Variants in TSC2 observed in about 807,000 individuals in gnomAD.
TSC2 encodes TSC complex subunit 2.
A neutral mutation model predicts 202.2 loss-of-function variants in TSC2; 29 were observed. That is an observed-to-expected ratio of 0.14 (90% confidence interval 0.11 to 0.20). The LOEUF (loss-of-function observed/expected upper bound fraction) is 0.20, where lower values mean the gene tolerates loss of function less well. Among genes scored for constraint, TSC2 ranks in the 10% least tolerant of loss-of-function variants. The probability of loss-of-function intolerance (pLI) is 1.00; values close to 1 mark genes in which losing one functional copy is unlikely to be tolerated. For missense variants in TSC2, 2,429 were observed against 2,420.0 expected (o/e 1.00, Z -0.08); for synonymous variants, 1,349 against 1,044.0 (o/e 1.29, Z -5.63).
intron 30 of TSC2, chr16:2,080,878 T>C (rs940380067): frequency 1.7e-4 from 29 of 170,454 alleles, no homozygotes; most frequent in Admixed American, 1.4e-3. Flanking sequence ...CCAAGTGACT[T>C]CCATGGCAGA....
At chr16:2,071,188 G>A (rs753277271) in intron 17 of TSC2, among the ~76,000 whole-genome samples, 3 of 152,240 alleles carry the variant, frequency 2.0e-5, no homozygotes, top group Non-Finnish European at 2.9e-5. Flanking sequence ...GCTGAGCTCC[G>A]CTTTCTGGCA....
intron 26 of TSC2, among the ~76,000 whole-genome samples, chr16:2,078,009 A>G (rs1479369379): frequency 1.3e-5 from 2 of 152,288 alleles, no homozygotes; most frequent in Admixed American, 6.5e-5. Context: ...CAAGGGCCGC[A>G]GTGTGGGTTG....
At chr16:2,050,606 T>A in intron 3 of TSC2, 120 bp downstream of exon 3, 1 of 815,052 alleles carries the variant, frequency 1.2e-6, no homozygotes, top group East Asian at 2.7e-5. Context: ...CACTTTTTTT[T>A]TTTTTTTTTT....
chr16:2,087,275 C>T (rs1269044695), intron 38 of TSC2: 19 of 353,630 alleles, frequency 5.4e-5, no homozygotes, highest in South Asian at 2.5e-4. Context: ...TGGGCTGGGT[C>T]GGCCAGTGTC....
intron 8 of TSC2, 101 bp from the exon 9 acceptor site, chr16:2,057,004 T>A: frequency 6.7e-7 from 1 of 1,481,924 alleles, no homozygotes; most frequent in Admixed American, 2.0e-5. Flanking sequence ...GGCCGGACCT[T>A]GGGTGGCTAT....
At position 2,089,358 on chromosome 16, in the gene TSC2, C is replaced by A. The variant is rs573566934; in HGVS notation, c.*748C>A. Reference sequence around the variant, plus strand: ...AGGTAATAACTTAGGGGCAGGGTGGCGGCGGTGCAGGCTAACCCTCCCTGA... The same window carrying A: ...AGGTAATAACTTAGGGGCAGGGTGGAGGCGGTGCAGGCTAACCCTCCCTGA... On this transcript the variant is annotated 3_prime_UTR_variant, in exon 42 of 42. Coordinates refer to ENST00000219476, the MANE Select transcript of TSC2 (RefSeq NM_000548.5). The A allele has an allele frequency of 1.1e-5, 4 of 353,400 alleles. No individual in the cohort carries two copies. The highest frequency in any genetic ancestry group is 2.1e-5 in the Non-Finnish European group (4 of 190,950). 21.9% of individuals were successfully genotyped at this position (353,400 alleles called of 1,614,324 possible).
At position 2,088,667 on chromosome 16, in the gene TSC2, AAT is replaced by A; in HGVS notation, c.*59_*60del. On this transcript the variant is annotated 3_prime_UTR_variant, in exon 42 of 42. Coordinates refer to ENST00000219476, the MANE Select transcript of TSC2 (RefSeq NM_000548.5). ...GACGGTATTGCCTGTCAGTGAAATA[AAT>A]AAAGTCCTGACCCCAGTGCACAGAC... 3 of 1,554,286 alleles carry A rather than the reference AAT, an allele frequency of 1.9e-6. No homozygotes were observed. Among genetic ancestry groups the A allele is most frequent in the South Asian group, 2.3e-5 (2 of 86,852 alleles).
chr16:2,071,697 G>C (rs2088430539), intron 18 of TSC2, 81 bp downstream of exon 18: 1 of 1,600,138 alleles, frequency 6.2e-7, no homozygotes, highest in Admixed American at 1.7e-5. Flanking sequence ...TTGCATGTCT[G>C]AGGGATGTCC....
At chr16:2,063,122 G>A (rs2151175374) in intron 14 of TSC2, 69 bp downstream of exon 14, 2 of 1,524,292 alleles carry the variant, frequency 1.3e-6, no homozygotes, top group East Asian at 2.5e-5. Context: ...TCTCTGTTGT[G>A]CACGTGCTCC....
In TSC2 at chr16:2,071,691, A is replaced by G. The variant is rs989176018; in HGVS notation, c.1946+75A>G. 9.4e-6 allele frequency: 15 copies of G among 1,601,892 alleles called. No individual in the cohort carries two copies. In the African/African-American group the frequency reaches 9.4e-5, roughly 10 times the overall value. ...CTGGGGCTGTGGTGGCGCTGTTTGC[A>G]TGTCTGAGGGATGTCCCAGGGTTGG... On this transcript the variant is annotated intron_variant, in intron 18 of 41. Transcript: ENST00000219476.
rs2089927113 is a variant in TSC2, at chr16:2,080,013, AC to A, written c.3398-151del. 21 of 1,066,746 alleles carry A rather than the reference AC, an allele frequency of 2.0e-5. No individual in the cohort carries two copies. In the South Asian group the frequency reaches 2.8e-4, roughly 14 times the overall value. The allele number at this position is 1,066,746 out of a possible 1,614,324, so 66.1% of individuals were successfully genotyped here. On this transcript the variant is annotated intron_variant, in intron 29 of 41. Transcript: ENST00000219476. ...TGGCCCTGGGTTCACTGAGGCCAGCACTGTGGTGGGCCGTGCCCCAAGGGCA... is the reference window on the plus strand; with the variant it reads ...TGGCCCTGGGTTCACTGAGGCCAGCATGTGGTGGGCCGTGCCCCAAGGGCA...
chr16:2,088,688 C>G lies in TSC2; in HGVS notation c.*78C>G, dbSNP rs1332550395. The G allele has an allele frequency of 1.3e-6, 2 of 1,514,150 alleles. No homozygotes were observed. Among genetic ancestry groups the G allele is most frequent in the Non-Finnish European group, 1.8e-6 (2 of 1,127,012 alleles). The allele number at this position is 1,514,150 out of a possible 1,614,324, so 93.8% of individuals were successfully genotyped here. A position where few individuals can be genotyped will look rare whatever the true frequency, so the allele number is the denominator to read the frequency against. Reference sequence around the variant, plus strand: ...AATAAATAAAGTCCTGACCCCAGTGCACAGACATAGAGGCACAGATTGCAG... The same window carrying G: ...AATAAATAAAGTCCTGACCCCAGTGGACAGACATAGAGGCACAGATTGCAG... On this transcript the variant is annotated 3_prime_UTR_variant, in exon 42 of 42. Coordinates refer to ENST00000219476, the MANE Select transcript of TSC2 (RefSeq NM_000548.5).
At chr16:2,054,257 G>A (rs749275519) in intron 4 of TSC2, 39 bp from the exon 5 acceptor site, 9 of 1,613,716 alleles carry the variant, frequency 5.6e-6, no homozygotes, top group Admixed American at 1.7e-5. Flanking sequence ...TGTGGGCGAC[G>A]CTGGCAGGCT....
chr16:2,082,149 G>A, intron 31 of TSC2: 1 of 593,168 alleles, frequency 1.7e-6, no homozygotes. Context: ...GCGCACTCTG[G>A]GCCCCCACCC....
intron 9 of TSC2, 138 bp downstream of exon 9, chr16:2,057,316 G>C: frequency 9.9e-7 from 1 of 1,005,214 alleles, no homozygotes; most frequent in African/African-American, 1.6e-5. Flanking sequence ...TGCCACTAGA[G>C]CGAGGCCCAT....
intron 5 of TSC2, chr16:2,054,802 T>C (rs2085562046): frequency 1.3e-5 from 5 of 384,290 alleles, no homozygotes; most frequent in Non-Finnish European, 2.0e-5. Context: ...TTCTCCACTT[T>C]GTGGACCTTC....
rs1471224153 is a variant in TSC2 at position 2,058,708 on chromosome 16, G to A, written c.849-39G>A. The A allele has an allele frequency of 5.1e-6, 8 of 1,558,146 alleles. No individual in the cohort carries two copies. In the South Asian group the frequency reaches 9.4e-5, roughly 18 times the overall value. Reference sequence around the variant, plus strand: ...CATCCATGGCGGACCCTGGGACAGGGCCCTGCTCACATTCCGTCTCTCTGG... The same window carrying A: ...CATCCATGGCGGACCCTGGGACAGGACCCTGCTCACATTCCGTCTCTCTGG... On this transcript the variant is annotated intron_variant, in intron 9 of 41. Coordinates refer to ENST00000219476, the MANE Select transcript of TSC2 (RefSeq NM_000548.5).
chr16:2,072,039 A>C, intron 19 of TSC2, 105 bp downstream of exon 19: 1 of 1,476,774 alleles, frequency 6.8e-7, no homozygotes, highest in Non-Finnish European at 9.0e-7. Context: ...TGTGGAGGGC[A>C]GCCCTCCCTC....
At position 2,059,563 on chromosome 16, in the gene TSC2, A is replaced by T. The variant is rs139347404; in HGVS notation, c.975+690A>T. Among the ~76,000 whole-genome samples the T allele has an allele frequency of 2.7e-3, 353 of 128,952 alleles. 6 individuals are homozygous for T. The highest frequency in any genetic ancestry group is 1.5e-3 in the Non-Finnish European group (96 of 63,764). 84.6% of individuals were successfully genotyped at this position (128,952 alleles called of 152,430 possible). A position where few individuals can be genotyped will look rare whatever the true frequency, so the allele number is the denominator to read the frequency against. The stretch of plus-strand genomic sequence containing the variant: ...GGACAGAGTTTCGCTCTTATTGCCC[A>T]GGCTGGAGTGCAATGGCGCGATCTT... On this transcript the variant is annotated intron_variant, in intron 10 of 41. Transcript: ENST00000219476.
Sources: allele counts gnomAD v4.1 joint callset (sites outside exome capture counted in the v4.1 genomes callset), GRCh38; gene constraint gnomAD v4.1.1; transcripts MANE v1.5; gene names NCBI Gene and HGNC (gene_info 2026-07-23, HGNC 2026-07-21).